The following VRK1 variants were observed in gnomAD, a reference collection of about 807,000 sequenced individuals.
The protein encoded by VRK1 is serine/threonine-protein kinase VRK1.
VRK1 carries 33 observed loss-of-function variants against 57.1 expected under a neutral mutation model. The ratio of observed to expected loss-of-function variants is 0.58; its 90% confidence interval spans 0.44 to 0.77. The LOEUF (loss-of-function observed/expected upper bound fraction) is 0.77. Among genes scored for constraint, VRK1 ranks in the 30% least tolerant of loss-of-function variants. VRK1 has a pLI of 0.00. For synonymous variants in VRK1, 137 were observed against 147.8 expected, an observed-to-expected ratio of 0.93 and a Z score of 0.53; for missense variants, 413 against 477.3, an observed-to-expected ratio of 0.87 and a Z score of 1.25.
chr14:96,836,757 G>A (rs980208077), intron 2 of VRK1, among the ~76,000 whole-genome samples: 1 of 151,944 alleles, frequency 6.6e-6, no homozygotes, highest in African/African-American at 2.4e-5. Flanking sequence ...CGGAACTCCT[G>A]ACCTCAGGTG....
intron 12 of VRK1, among the ~76,000 whole-genome samples, chr14:96,876,647 C>A (rs1889043056): frequency 6.6e-6 from 1 of 152,128 alleles, no homozygotes; most frequent in Non-Finnish European, 1.5e-5. Flanking sequence ...AGGGGTCAGA[C>A]ATGGGTCTGT....
In VRK1 at chr14:96,869,514, A is replaced by G. The variant is rs1212998138; in HGVS notation, c.1069-6516A>G. 3.3e-5 allele frequency among the ~76,000 whole-genome samples: 5 copies of G among 152,218 alleles called. No individual in the cohort carries two copies. The East Asian group carries it at 9.6e-4, about 29-fold the overall frequency. On this transcript the variant is annotated intron_variant, in intron 11 of 12. Transcript: ENST00000216639. ...GAATAGTAAACGATTATGAATTGGT[A>G]AAAGTTGATTTTTGCAGTGAAAGAC...
chr14:96,843,297 AG>A (rs1156662413), intron 3 of VRK1, among the ~76,000 whole-genome samples: 2 of 152,224 alleles, frequency 1.3e-5, no homozygotes, highest in African/African-American at 4.8e-5. Context: ...TCATGTCAGT[AG>A]CAGAACTAGA....
At chr14:96,800,269 C>T (rs1020244582) in intron 1 of VRK1, among the ~76,000 whole-genome samples, 2 of 152,056 alleles carry the variant, frequency 1.3e-5, no homozygotes, top group African/African-American at 4.8e-5. Flanking sequence ...TATTTAAGCA[C>T]CCAGCATTCT....
chr14:96,815,358 A>G (rs183238819), intron 1 of VRK1, among the ~76,000 whole-genome samples: 11 of 152,300 alleles, frequency 7.2e-5, no homozygotes, highest in African/African-American at 2.2e-4. Context: ...AATGTATTTT[A>G]TTTGTTATTT....
At position 96,857,275 on chromosome 14, in the gene VRK1, G is replaced by T. The variant is rs1403010785; in HGVS notation, c.889+689G>T. ...AATAGAATTAGGGGGATGGGGATGG[G>T]GTGGGTAGTAAAGTAGTGAGGAGGA... On this transcript the variant is annotated intron_variant, in intron 10 of 12. Coordinates refer to ENST00000216639, the MANE Select transcript of VRK1 (RefSeq NM_003384.3). Among the ~76,000 whole-genome samples the T allele has an allele frequency of 3.3e-5, 5 of 152,170 alleles. No individual in the cohort carries two copies. In the South Asian group the frequency reaches 1.0e-3, roughly 32 times the overall value.
chr14:96,802,243 G>A (rs937333450), intron 1 of VRK1, among the ~76,000 whole-genome samples: 4 of 152,146 alleles, frequency 2.6e-5, no homozygotes, highest in African/African-American at 9.7e-5. Flanking sequence ...ACACAATCCA[G>A]CGATTGCACT....
Position 96,797,843 on chromosome 14 carries a change from C to T in VRK1, c.-6+396C>T, listed in dbSNP as rs546149466. Among the ~76,000 whole-genome samples, 48 of 152,352 alleles carry T rather than the reference C, an allele frequency of 3.2e-4. No individual in the cohort carries two copies. In the South Asian group the frequency reaches 9.1e-3, roughly 29 times the overall value. Reference sequence around the variant, plus strand: ...AACAGCGCAGGCGAGGCCCCTGCCCCGCAGAGCTCACTCTGTAGAAGGGAA... The same window carrying T: ...AACAGCGCAGGCGAGGCCCCTGCCCTGCAGAGCTCACTCTGTAGAAGGGAA... On this transcript the variant is annotated intron_variant, in intron 1 of 12. Transcript: ENST00000216639.
chr14:96,817,986 T>C (rs1317307738), intron 1 of VRK1, among the ~76,000 whole-genome samples: 1 of 151,024 alleles, frequency 6.6e-6, no homozygotes, highest in Non-Finnish European at 1.5e-5. Context: ...GATTCTGTTT[T>C]CTGGTCTCTG....
At chr14:96,854,722 A>C (rs960640424) in intron 7 of VRK1, among the ~76,000 whole-genome samples, 7 of 152,200 alleles carry the variant, frequency 4.6e-5, no homozygotes, top group Non-Finnish European at 7.4e-5. Context: ...TTATAAAGTA[A>C]ATTGAAATTT....
chr14:96,877,581 G>A (rs1461684892), intron 12 of VRK1: 4 of 1,289,164 alleles, frequency 3.1e-6, no homozygotes, highest in Non-Finnish European at 4.0e-6. Flanking sequence ...ACAGTGAGTG[G>A]GAACAAAATT....
At chr14:96,831,549 A>G (rs752286069) in intron 1 of VRK1, among the ~76,000 whole-genome samples, 3 of 152,238 alleles carry the variant, frequency 2.0e-5, no homozygotes, top group African/African-American at 7.2e-5. Context: ...AAAACTAAAA[A>G]TAAAAGCAAA....
chr14:96,860,886 G>A (rs1373586424), intron 11 of VRK1, 151 bp downstream of exon 11: 1 of 662,372 alleles, frequency 1.5e-6, no homozygotes, highest in Non-Finnish European at 2.5e-6. Context: ...AAAATGTGTA[G>A]AGGGTTGTAG....
At chr14:96,869,044 C>T (rs1007543328) in intron 11 of VRK1, among the ~76,000 whole-genome samples, 1 of 152,180 alleles carries the variant, frequency 6.6e-6, no homozygotes, top group Non-Finnish European at 1.5e-5. Flanking sequence ...CTGCCCGCCT[C>T]AGCCTACCTA....
intron 1 of VRK1, among the ~76,000 whole-genome samples, chr14:96,798,004 C>T (rs1441108024): frequency 6.6e-6 from 1 of 152,114 alleles, no homozygotes; most frequent in Non-Finnish European, 1.5e-5. Context: ...GAGGATGTGA[C>T]CTTTGACTTG....
chr14:96,821,073 G>A (rs1886579013), intron 1 of VRK1, among the ~76,000 whole-genome samples: 1 of 152,128 alleles, frequency 6.6e-6, no homozygotes, highest in Admixed American at 6.5e-5. Flanking sequence ...TCCCTGGGAA[G>A]TTTTTTATTG....
intron 2 of VRK1, among the ~76,000 whole-genome samples, 156 bp downstream of exon 2, chr14:96,833,787 G>A (rs1384004984): frequency 6.6e-6 from 1 of 152,216 alleles, no homozygotes; most frequent in Admixed American, 6.5e-5. Context: ...TGACGTAGGA[G>A]TGGAAATTGT....
chr14:96,874,019 C>G (rs1022410201), intron 11 of VRK1, among the ~76,000 whole-genome samples: 2 of 151,994 alleles, frequency 1.3e-5, no homozygotes, highest in African/African-American at 4.8e-5. Flanking sequence ...TAAGAAAGCC[C>G]CCTTTTATTA....
At chr14:96,806,184 G>A (rs1356277213) in intron 1 of VRK1, among the ~76,000 whole-genome samples, 1 of 152,066 alleles carries the variant, frequency 6.6e-6, no homozygotes, top group Non-Finnish European at 1.5e-5. Flanking sequence ...ATTTGTTAAG[G>A]GCAGGATTCC....
Sources: allele counts gnomAD v4.1 joint callset (sites outside exome capture counted in the v4.1 genomes callset), GRCh38; gene constraint gnomAD v4.1.1; transcripts MANE v1.5; gene names NCBI Gene and HGNC (gene_info 2026-07-23, HGNC 2026-07-21).